The following ABCC9 variants were observed in gnomAD, a reference collection of about 807,000 sequenced individuals.
ABCC9 encodes ATP binding cassette subfamily C member 9.
A neutral mutation model predicts 188.3 loss-of-function variants in ABCC9; 95 were observed. The observed-to-expected ratio is 0.50, with a 90% CI of 0.43 to 0.60. The LOEUF (loss-of-function observed/expected upper bound fraction) is 0.60, where lower values mean the gene tolerates loss of function less well. Ranked by LOEUF, ABCC9 falls within the 20% of genes least tolerant of loss-of-function variation. The probability of loss-of-function intolerance (pLI) is 0.00; values close to 1 mark genes in which losing one functional copy is unlikely to be tolerated. For synonymous variants in ABCC9, 659 were observed against 652.7 expected (o/e 1.01, Z -0.15); for missense variants, 1,102 against 1,876.3 (o/e 0.59, Z 7.62).
At chr12:21,825,355 G>T (rs532420931) in intron 31 of ABCC9, among the ~76,000 whole-genome samples, 1 of 152,254 alleles carries the variant, frequency 6.6e-6, no homozygotes, top group African/African-American at 2.4e-5. Flanking sequence ...TATGTTTATT[G>T]CAGCACTGCT....
chr12:21,842,264 G>A (rs1364938396), intron 29 of ABCC9, 50 bp downstream of exon 29: 33 of 1,585,900 alleles, frequency 2.1e-5, no homozygotes, highest in Non-Finnish European at 2.8e-5. Flanking sequence ...AATAGAGAGG[G>A]CTGACTGTAG....
rs1345422195 is a variant in ABCC9 at position 21,798,509 on chromosome 12, TG to T, written c.*2534del. The stretch of plus-strand genomic sequence containing the variant: ...TCCTTCACCCACTTTTTGATGGGGT[TG>T]TTTGTTTTTTTCTTGTAAATTTGTT... On this transcript the variant is annotated 3_prime_UTR_variant, in exon 40 of 40. Transcript: ENST00000261200. The T allele has an allele frequency of 1.3e-5, 2 of 148,842 alleles. No individual in the cohort carries two copies. Among genetic ancestry groups the T allele is most frequent in the Middle Eastern group, 6.8e-3 (2 of 294 alleles). 9.2% of individuals were successfully genotyped at this position (148,842 alleles called of 1,614,324 possible). A position where few individuals can be genotyped will look rare whatever the true frequency, so the allele number is the denominator to read the frequency against.
At chr12:21,888,515 A>G (rs557882423) in intron 14 of ABCC9, among the ~76,000 whole-genome samples, 25 of 152,234 alleles carry the variant, frequency 1.6e-4, no homozygotes, top group Admixed American at 1.4e-3. Context: ...GTTTCAGCCA[A>G]GGACCACCAG....
chr12:21,861,190 C>A, intron 20 of ABCC9, 135 bp from the exon 21 acceptor site: 1 of 737,330 alleles, frequency 1.4e-6, no homozygotes, highest in Non-Finnish European at 2.4e-6. Flanking sequence ...CTCTGCTCTA[C>A]ATTTCTGGAT....
chr12:21,936,254 T>A (rs988494130), intron 3 of ABCC9, among the ~76,000 whole-genome samples: 1 of 152,198 alleles, frequency 6.6e-6, no homozygotes, highest in East Asian at 1.9e-4. Context: ...GCTCAACTAA[T>A]GCTGTAGATC....
At chr12:21,870,193 A>C (rs920445480) in intron 18 of ABCC9, among the ~76,000 whole-genome samples, 1 of 152,126 alleles carries the variant, frequency 6.6e-6, no homozygotes. Flanking sequence ...AGGAATATTG[A>C]AGACATTAAG....
Position 21,936,711 on chromosome 12 carries a change from T to A in ABCC9, c.-20-17A>T. 6.4e-7 allele frequency: 1 copy of A among 1,572,422 alleles called. No homozygotes were observed. The highest frequency in any genetic ancestry group is 1.1e-5 in the South Asian group (1 of 88,666). ...TGGTTTACTCTAAAAGGGAGAGAAA[T>A]GAGAAAGAAAAATCCTCTTATTAGT... is the stretch of plus-strand genomic sequence containing the variant. On this transcript the variant is annotated splice_polypyrimidine_tract_variant and intron_variant, in intron 2 of 39. Transcript: ENST00000261200.
chr12:21,817,586 T>C (rs1052776088), intron 32 of ABCC9, among the ~76,000 whole-genome samples: 2 of 152,174 alleles, frequency 1.3e-5, no homozygotes, highest in Non-Finnish European at 2.9e-5. Flanking sequence ...TTTGCACTTA[T>C]CTCATGTATA....
intron 12 of ABCC9, among the ~76,000 whole-genome samples, chr12:21,896,079 CT>C (rs5796933): frequency 0.057 from 7,333 of 127,950 alleles, 346 homozygotes; most frequent in African/African-American, 0.16. Flanking sequence ...ATCTAATTTT[CT>C]TTTTTTTTTT....
In ABCC9 at chr12:21,817,322, T is replaced by TA. The variant is rs767985070; in HGVS notation, c.3772-16dup. On this transcript the variant is annotated splice_polypyrimidine_tract_variant and intron_variant, in intron 32 of 39. Transcript: ENST00000261200. ...TAATTGGTTATCTGTGTCAGGTGAT[T>TA]AAAAAAATTGTTTTAAATAAATTAA... The TA allele has an allele frequency of 7.4e-6, 12 of 1,612,582 alleles. No homozygotes were observed. Among genetic ancestry groups the TA allele is most frequent in the Admixed American group, 1.7e-5 (1 of 59,852 alleles).
chr12:21,863,851 AAG>A lies in ABCC9; in HGVS notation c.2237+586_2237+587del, dbSNP rs751758625. On this transcript the variant is annotated intron_variant, in intron 19 of 39. Transcript: ENST00000261200. ...GGGTTAAAAGAGAGCAAGGTTAAAA[AAG>A]AGAGTAGCTAGAAATGTTCAATGAT... 2.0e-5 allele frequency among the ~76,000 whole-genome samples: 3 copies of A among 152,294 alleles called. No individual in the cohort carries two copies. In the East Asian group the frequency reaches 5.8e-4, roughly 29 times the overall value.
chr12:21,861,857 C>T (rs966645866), intron 20 of ABCC9, among the ~76,000 whole-genome samples: 1 of 152,100 alleles, frequency 6.6e-6, no homozygotes, highest in African/African-American at 2.4e-5. Context: ...CGCCCTTCCA[C>T]ACTGTCATGC....
intron 5 of ABCC9, chr12:21,925,248 A>C: frequency 2.3e-6 from 1 of 443,546 alleles, no homozygotes; most frequent in Admixed American, 3.8e-5. Flanking sequence ...ATTGAACATA[A>C]CTCATATAGA....
At position 21,863,039 on chromosome 12, in the gene ABCC9, AGAG is replaced by A; in HGVS notation, c.2250_2252del (p.Ser751del). On this transcript the variant is annotated inframe_deletion, in exon 20 of 40. Coordinates refer to ENST00000261200, the MANE Select transcript of ABCC9 (RefSeq NM_020297.4). ...AAGGCTTTTGAGCTGCATATGCCAC[AGAG>A]TACCTGTTCCTACTGAAAAATGAAA... 1 of 1,609,942 alleles carries A rather than the reference AGAG, an allele frequency of 6.2e-7. No individual in the cohort carries two copies. Among genetic ancestry groups the A allele is most frequent in the Non-Finnish European group, 8.5e-7 (1 of 1,177,064 alleles).
In ABCC9 at chr12:21,815,915, T is replaced by C. The variant is rs199511810; in HGVS notation, c.3893-22A>G. 3.8e-5 allele frequency: 61 copies of C among 1,607,752 alleles called. 1 individual carries two copies. The African/African-American group carries it at 7.4e-4, about 19-fold the overall frequency. On this transcript the variant is annotated intron_variant, in intron 33 of 39. Transcript: ENST00000261200. Reference sequence around the variant, plus strand: ...GGATCTGGAGGATGGGATGGGGAAATAGACAGATAATAGGCAGATAGAGAT... The same window carrying C: ...GGATCTGGAGGATGGGATGGGGAAACAGACAGATAATAGGCAGATAGAGAT...
At chr12:21,925,610 A>AAG in intron 5 of ABCC9, 1 of 672,248 alleles carries the variant, frequency 1.5e-6, no homozygotes, top group Non-Finnish European at 2.7e-6. Context: ...AGCTCCTCAC[A>AAG]AGAGCTCTGA....
In ABCC9 at chr12:21,809,973, T is replaced by G. The variant is rs761501699; in HGVS notation, c.4212-18A>C. Reference sequence around the variant, plus strand: ...AATTAAATCTGTAGGGAAAAATTAGTTAATTAGTCAATAAGTGAAAATATA... The same window carrying G: ...AATTAAATCTGTAGGGAAAAATTAGGTAATTAGTCAATAAGTGAAAATATA... On this transcript the variant is annotated intron_variant, in intron 36 of 39. Transcript: ENST00000261200. The G allele has an allele frequency of 1.7e-4, 239 of 1,424,962 alleles. No homozygotes were observed. The highest frequency in any genetic ancestry group is 2.3e-4 in the Non-Finnish European group (232 of 1,010,592). 88.3% of individuals were successfully genotyped at this position (1,424,962 alleles called of 1,614,324 possible). A position where few individuals can be genotyped will look rare whatever the true frequency, so the allele number is the denominator to read the frequency against.
At chr12:21,940,192 CAG>C (rs555447730) in intron 2 of ABCC9, among the ~76,000 whole-genome samples, 38 of 152,254 alleles carry the variant, frequency 2.5e-4, no homozygotes, top group Middle Eastern at 6.8e-3. Context: ...ATAGCAATTG[CAG>C]AGAGTTTAAA....
intron 22 of ABCC9, among the ~76,000 whole-genome samples, chr12:21,858,269 C>T (rs1204708906): frequency 2.6e-5 from 4 of 151,876 alleles, no homozygotes; most frequent in Admixed American, 6.6e-5. Context: ...GTGGATCCAT[C>T]CATTATTATA....
Sources: allele counts gnomAD v4.1 joint callset (sites outside exome capture counted in the v4.1 genomes callset), GRCh38; gene constraint gnomAD v4.1.1; transcripts MANE v1.5; gene names NCBI Gene and HGNC (gene_info 2026-07-23, HGNC 2026-07-21).